Variants in ZNF516 observed in about 807,000 individuals in gnomAD.
ZNF516 encodes zinc finger protein 516.
In ZNF516, 19 loss-of-function variants were observed where a neutral mutation model predicts 79.7. The observed-to-expected ratio is 0.24, with a 90% confidence interval of 0.17 to 0.35. The LOEUF (loss-of-function observed/expected upper bound fraction) is 0.35. ZNF516 is among the 10% of genes least tolerant of loss of function. The pLI, the probability that ZNF516 is intolerant of heterozygous loss-of-function variation, is 1.00. For missense variants in ZNF516, 1,678 were observed against 1,679.5 expected (o/e 1.00, Z 0.02); for synonymous variants, 877 against 739.5 (o/e 1.19, Z -3.02).
At chr18:76,436,545 CGAGA>C (rs2075738815) in intron 3 of ZNF516, among the ~76,000 whole-genome samples, 1 of 152,118 alleles carries the variant, frequency 6.6e-6, no homozygotes, top group Middle Eastern at 3.2e-3. Context: ...GCTGAGTCCC[CGAGA>C]GACTCAGCAT....
Position 76,380,127 on chromosome 18 carries a change from T to C in ZNF516, c.1987A>G (p.Arg663Gly). Residue 663 changes from arginine (R) to glycine (G), a missense_variant, in exon 4 of 7, where the codon AGG becomes GGG. Physicochemically the swap from Arg to Gly is moderately radical, Grantham distance 125 (BLOSUM62 -2). Transcript: ENST00000443185. Reference sequence around the variant, plus strand: ...ATAGAAAATCTGTGCTGCTCTTGCCTTCTAGAAGTCTCTCTGCTACTGTTT... The same window carrying C: ...ATAGAAAATCTGTGCTGCTCTTGCCCTCTAGAAGTCTCTCTGCTACTGTTT... ...LENSSRETSR[R>G]QEQHRFSMDL... The C allele has an allele frequency of 6.2e-7, 1 of 1,613,930 alleles. No individual in the cohort carries two copies. The highest frequency in any genetic ancestry group is 1.6e-4 in the Middle Eastern group (1 of 6,062).
At chr18:76,483,810 C>T (rs1227970191) in intron 1 of ZNF516, among the ~76,000 whole-genome samples, 2 of 152,200 alleles carry the variant, frequency 1.3e-5, no homozygotes, top group African/African-American at 2.4e-5. Context: ...GCACCCACTG[C>T]GGGGCTGGGA....
At position 76,361,005 on chromosome 18, in the gene ZNF516, GATA is replaced by G. The variant is rs2074530058; in HGVS notation, c.*1490_*1492del. 6.6e-6 allele frequency: 1 copy of G among 151,476 alleles called. No homozygotes were observed. Among genetic ancestry groups the G allele is most frequent in the African/African-American group, 2.4e-5 (1 of 41,176 alleles). The allele number at this position is 151,476 out of a possible 1,614,324, so 9.4% of individuals were successfully genotyped here. A position where few individuals can be genotyped will look rare whatever the true frequency, so the allele number is the denominator to read the frequency against. ...TGCTCTCGCCAGTATTAAAGGTTAG[GATA>G]ATTTCTGTACATGTAAAATTATTGC... On this transcript the variant is annotated 3_prime_UTR_variant, in exon 7 of 7. Transcript: ENST00000443185.
Position 76,442,976 on chromosome 18 carries a change from C to G in ZNF516, c.79G>C (p.Asp27His), listed in dbSNP as rs921145212. 6.2e-7 allele frequency: 1 copy of G among 1,606,112 alleles called. No homozygotes were observed. Among genetic ancestry groups the G allele is most frequent in the African/African-American group, 1.3e-5 (1 of 74,918 alleles). The change falls in exon 3 of 7, where the codon GAT becomes CAT. Residue 27 changes from aspartate (D) to histidine (H), a missense_variant. Coordinates refer to ENST00000443185, the MANE Select transcript of ZNF516 (RefSeq NM_014643.4). The stretch of plus-strand genomic sequence containing the variant: ...GTGTGGCAGGTAGCCTTGTCCCCAT[C>G]CACCTCGTGGCCCCGGCCGGCCCTG... ...PTRAGRGHEV[D>H]GDKATCHTCC...
At position 76,493,126 on chromosome 18, in the gene ZNF516, C is replaced by G; in HGVS notation, c.-272+2018G>C. 1.0e-6 allele frequency: 1 copy of G among 985,212 alleles called. No homozygotes were observed. The highest frequency in any genetic ancestry group is 1.2e-6 in the Non-Finnish European group (1 of 829,846). The allele number at this position is 985,212 out of a possible 1,614,324, so 61.0% of individuals were successfully genotyped here. Reference sequence around the variant, plus strand: ...TTTTTTTTCCTCCTCTCCTCCCTACCGTTTCATTTAATGGTAAAACAACAG... The same window carrying G: ...TTTTTTTTCCTCCTCTCCTCCCTACGGTTTCATTTAATGGTAAAACAACAG... On this transcript the variant is annotated intron_variant, in intron 1 of 6. Coordinates refer to ENST00000443185, the MANE Select transcript of ZNF516 (RefSeq NM_014643.4). The surrounding 1 kb of genome is among the most constrained non-coding windows in gnomAD (Gnocchi z 5.2).
At chr18:76,389,199 C>G (rs1006417807) in intron 3 of ZNF516, 1 of 151,734 alleles carries the variant, frequency 6.6e-6, no homozygotes, top group East Asian at 1.9e-4. Context: ...GTCAAGGTCA[C>G]GAGCCACAGC....
chr18:76,471,941 T>A (rs575728906), intron 1 of ZNF516, among the ~76,000 whole-genome samples: 1 of 152,168 alleles, frequency 6.6e-6, no homozygotes, highest in Non-Finnish European at 1.5e-5. Flanking sequence ...ATACAACAGC[T>A]GCCCTGCACC....
intron 3 of ZNF516, among the ~76,000 whole-genome samples, chr18:76,413,343 T>A (rs1181707334): frequency 6.6e-6 from 1 of 152,224 alleles, no homozygotes; most frequent in Non-Finnish European, 1.5e-5. Flanking sequence ...AATCCTTCTC[T>A]GGCGGACGCC....
chr18:76,452,674 A>G (rs1279408043), intron 2 of ZNF516, among the ~76,000 whole-genome samples: 4 of 152,260 alleles, frequency 2.6e-5, no homozygotes, highest in Non-Finnish European at 5.9e-5. Context: ...AAGTTCAAAT[A>G]GAAGAACATT....
In ZNF516 at chr18:76,358,451, T is replaced by C. The variant is rs1372153368; in HGVS notation, c.*4047A>G. ...TAGCAAAGCTGATGAAGAATGAACA[T>C]TTTCCCTTGGGCGGGTGGCCCTTGG... On this transcript the variant is annotated 3_prime_UTR_variant, in exon 7 of 7. Transcript: ENST00000443185. 1 of 152,210 alleles carries C rather than the reference T, an allele frequency of 6.6e-6. No individual in the cohort carries two copies. The highest frequency in any genetic ancestry group is 1.5e-5 in the Non-Finnish European group (1 of 68,038). 9.4% of individuals were successfully genotyped at this position (152,210 alleles called of 1,614,324 possible). A position where few individuals can be genotyped will look rare whatever the true frequency, so the allele number is the denominator to read the frequency against.
At chr18:76,487,914 C>G (rs1914923957) in intron 1 of ZNF516, 2 of 985,152 alleles carry the variant, frequency 2.0e-6, no homozygotes, top group Non-Finnish European at 2.4e-6. Flanking sequence ...GATGAGAGCC[C>G]CCAGGAGGGG....
At chr18:76,488,414 G>C (rs565868483) in intron 1 of ZNF516, among the ~76,000 whole-genome samples, 1 of 151,936 alleles carries the variant, frequency 6.6e-6, no homozygotes, top group Admixed American at 6.6e-5. Flanking sequence ...AAGGAAGTCA[G>C]AGCGGCACAC....
intron 3 of ZNF516, among the ~76,000 whole-genome samples, chr18:76,414,902 A>C (rs1472908940): frequency 6.6e-6 from 1 of 152,264 alleles, no homozygotes; most frequent in Non-Finnish European, 1.5e-5. Flanking sequence ...CTAATACAAA[A>C]AAATAGTAGT....
rs530807612 is a variant in ZNF516 at position 76,485,354 on chromosome 18, G to A, written c.-272+9790C>T. On this transcript the variant is annotated intron_variant, in intron 1 of 6. Transcript: ENST00000443185. The stretch of plus-strand genomic sequence containing the variant: ...ACTGGCATAAAAATGTTCTGTCTGT[G>A]TCACTGATAATGTCAATATAAATGA... 4.6e-5 allele frequency among the ~76,000 whole-genome samples: 7 copies of A among 152,284 alleles called. No individual in the cohort carries two copies. The South Asian group carries it at 1.5e-3, about 32-fold the overall frequency.
chr18:76,431,067 T>G (rs2075654132), intron 3 of ZNF516, among the ~76,000 whole-genome samples: 1 of 152,216 alleles, frequency 6.6e-6, no homozygotes, highest in Non-Finnish European at 1.5e-5. Flanking sequence ...GGCAATCCAT[T>G]TTAATATGCA....
chr18:76,379,456 T>C lies in ZNF516; in HGVS notation c.2658A>G (p.Arg886=). ...CCTGGCCGTGACAAGGTTTGGTCTG[T>C]CGATACCCGTCAGGGCCGGGCGCCC... is the stretch of plus-strand genomic sequence containing the variant. ...ALWAPGPDGY[R]QTKPCHGQEP... Residue 886 remains arginine, a synonymous_variant, in exon 4 of 7, where the codon CGA becomes CGG. Coordinates refer to ENST00000443185, the MANE Select transcript of ZNF516 (RefSeq NM_014643.4). The C allele has an allele frequency of 6.2e-7, 1 of 1,613,518 alleles. No homozygotes were observed. The highest frequency in any genetic ancestry group is 8.5e-7 in the Non-Finnish European group (1 of 1,179,878).
intron 3 of ZNF516, among the ~76,000 whole-genome samples, chr18:76,430,323 C>T (rs2075646651): frequency 6.6e-6 from 1 of 152,204 alleles, no homozygotes; most frequent in South Asian, 2.1e-4. Flanking sequence ...AAATCACATT[C>T]TCATGAGTCA....
chr18:76,396,188 TTTC>T (rs1272349712), intron 3 of ZNF516, among the ~76,000 whole-genome samples: 3 of 152,170 alleles, frequency 2.0e-5, no homozygotes, highest in Admixed American at 6.5e-5. Context: ...CCTCCTTCAC[TTTC>T]TTCTTCTTAG....
chr18:76,430,482 CAAT>C (rs1331270872), intron 3 of ZNF516, among the ~76,000 whole-genome samples: 1 of 152,134 alleles, frequency 6.6e-6, no homozygotes, highest in Non-Finnish European at 1.5e-5. Context: ...CAAACTATCC[CAAT>C]AATGTCTATA....
Sources: allele counts gnomAD v4.1 joint callset (sites outside exome capture counted in the v4.1 genomes callset), GRCh38; gene constraint gnomAD v4.1.1; non-coding constraint Gnocchi (gnomAD v3.1); transcripts MANE v1.5; gene names NCBI Gene and HGNC (gene_info 2026-07-23, HGNC 2026-07-21).